The following MX2 variants were observed in gnomAD, a reference collection of about 807,000 sequenced individuals.
The protein encoded by MX2 is MX dynamin like GTPase 2.
Under a neutral mutation model 74.0 loss-of-function variants are expected in MX2, and 51 were observed. That is an observed-to-expected ratio of 0.69 (90% CI 0.55 to 0.87). MX2 has a LOEUF of 0.87. Ranked by LOEUF, MX2 falls within the 40% of genes least tolerant of loss-of-function variation. The pLI is 0.00. For synonymous variants in MX2, 369 were observed against 339.3 expected (o/e 1.09, Z -0.96); for missense variants, 832 against 908.7 (o/e 0.92, Z 1.09).
intron 1 of MX2, chr21:41,365,912 C>T (rs953363994): frequency 6.6e-6 from 1 of 152,534 alleles, no homozygotes. Context: ...CCTGCCTCCT[C>T]ACTCAGCCTG....
chr21:41,379,718 G>A (rs756960834), intron 3 of MX2, among the ~76,000 whole-genome samples: 3 of 152,256 alleles, frequency 2.0e-5, no homozygotes, highest in Non-Finnish European at 4.4e-5. Flanking sequence ...TTCCAGGGCA[G>A]TGTGGTGGGG....
At chr21:41,381,529 CA>C (rs2089492187) in intron 4 of MX2, among the ~76,000 whole-genome samples, 1 of 151,794 alleles carries the variant, frequency 6.6e-6, no homozygotes, top group African/African-American at 2.4e-5. Flanking sequence ...TCTAAAAATA[CA>C]AAAAATTAGC....
chr21:41,377,962 C>T lies in MX2; in HGVS notation c.423C>T (p.Val141=), dbSNP rs372273099. 3.2e-5 allele frequency: 52 copies of T among 1,613,566 alleles called. No homozygotes were observed. In the East Asian group the frequency reaches 8.0e-4, roughly 25 times the overall value. Residue 141 remains valine, a synonymous_variant, in exon 3 of 14, where the codon GTC becomes GTT. Coordinates refer to ENST00000330714, the MANE Select transcript of MX2 (RefSeq NM_002463.2). Reference sequence around the variant, plus strand: ...CTGTGCTGGAGGCACTGTCAGGAGTCGCGCTTCCCAGAGGCAGCGGTAAGT... The same window carrying T: ...CTGTGCTGGAGGCACTGTCAGGAGTTGCGCTTCCCAGAGGCAGCGGTAAGT... ...KSSVLEALSG[V]ALPRGSGIVT... is the part of the protein sequence containing the mutation.
Position 41,397,613 on chromosome 21 carries a change from A to T in MX2, c.1071A>T (p.Arg357Ser), listed in dbSNP as rs953625578. The change falls in exon 8 of 14, where the codon AGA becomes AGT. Residue 357 changes from arginine (R) to serine (S), a missense_variant and splice_region_variant. Transcript: ENST00000330714. ...TGCATGAATGTCTGTCTCATTTCAGAGTTCTCCTGGAGGAGGGGTCAGCCA... is the reference window on the plus strand; with the variant it reads ...TGCATGAATGTCTGTCTCATTTCAGTGTTCTCCTGGAGGAGGGGTCAGCCA... The part of the protein sequence containing the change: ...ITFFQTHPYF[R>S]VLLEEGSATV... The T allele has an allele frequency of 2.4e-5, 38 of 1,613,530 alleles. No homozygotes were observed. Among genetic ancestry groups the T allele is most frequent in the Non-Finnish European group, 3.1e-5 (37 of 1,179,556 alleles).
chr21:41,393,612 G>T (rs536194805), intron 6 of MX2, among the ~76,000 whole-genome samples: 10 of 152,052 alleles, frequency 6.6e-5, no homozygotes, highest in Admixed American at 1.3e-4. Flanking sequence ...CAATTCTCAG[G>T]CCTCTAAGTA....
Position 41,391,389 on chromosome 21 carries a change from C to CTT in MX2, c.871+700_871+701dup, listed in dbSNP as rs11405891. ...ATCAACAGTTATCAATAAATATTAG[C>CTT]TTTTTTTTTTTTTTTGAGACAGAGT... On this transcript the variant is annotated intron_variant, in intron 6 of 13. Coordinates refer to ENST00000330714, the MANE Select transcript of MX2 (RefSeq NM_002463.2). Among the ~76,000 whole-genome samples the CTT allele has an allele frequency of 2.3e-3, 330 of 142,512 alleles. 3 individuals are homozygous for CTT. The highest frequency in any genetic ancestry group is 7.9e-3 in the African/African-American group (306 of 38,598). The allele number at this position is 142,512 out of a possible 152,430, so 93.5% of individuals were successfully genotyped here. A position where few individuals can be genotyped will look rare whatever the true frequency, so the allele number is the denominator to read the frequency against.
intron 1 of MX2, among the ~76,000 whole-genome samples, chr21:41,374,720 T>C (rs558513183): frequency 3.9e-5 from 6 of 152,094 alleles, no homozygotes; most frequent in Non-Finnish European, 8.8e-5. Flanking sequence ...GGAGAAACTC[T>C]GGACGCATGA....
chr21:41,373,213 T>C (rs529703539), intron 1 of MX2, among the ~76,000 whole-genome samples: 1 of 152,034 alleles, frequency 6.6e-6, no homozygotes, highest in African/African-American at 2.4e-5. Flanking sequence ...GTTTACAGAG[T>C]GGATGAAGAC....
Position 41,395,757 on chromosome 21 carries a change from A to G in MX2, c.1042A>G (p.Thr348Ala). The change falls in exon 7 of 14, where the codon ACA (threonine) becomes GCA (alanine). Residue 348 changes from threonine (T) to alanine (A), a missense_variant. Transcript: ENST00000330714. ...GGCAGAGGCAACCAAGAAAGAAATT[A>G]CATTCTTTCAAACACATCCATATTT... ...SLAEATKKEI[T>A]FFQTHPYFRV... The G allele has an allele frequency of 1.9e-6, 3 of 1,614,184 alleles. No individual in the cohort carries two copies. Among genetic ancestry groups the G allele is most frequent in the South Asian group, 1.1e-5 (1 of 91,082 alleles).
chr21:41,404,853 T>C (rs1400133236), intron 12 of MX2: 1 of 141,240 alleles, frequency 7.1e-6, no homozygotes, highest in African/African-American at 2.7e-5. Flanking sequence ...TATTTTTCTT[T>C]CACAGTTGTC....
chr21:41,407,204 C>T (rs2145981073), intron 13 of MX2, among the ~76,000 whole-genome samples: 1 of 152,258 alleles, frequency 6.6e-6, no homozygotes, highest in Non-Finnish European at 1.5e-5. Flanking sequence ...AATTAATTTG[C>T]CCACAATCAA....
intron 12 of MX2, chr21:41,404,898 G>GAAA (rs964431541): frequency 1.5e-5 from 2 of 130,718 alleles, no homozygotes; most frequent in African/African-American, 5.7e-5. Flanking sequence ...AAAAGAAAAA[G>GAAA]AAAAAAAAAA....
At chr21:41,407,935 A>G (rs909703646) in intron 13 of MX2, 56 bp from the exon 14 acceptor site, 3 of 1,601,536 alleles carry the variant, frequency 1.9e-6, no homozygotes, top group Non-Finnish European at 1.7e-6. Flanking sequence ...TCTCTCTGCA[A>G]CCACAGGCCT....
intron 1 of MX2, chr21:41,364,337 A>G (rs146973278): frequency 6.6e-6 from 1 of 152,206 alleles, no homozygotes; most frequent in East Asian, 1.9e-4. Flanking sequence ...GCACTTTTGG[A>G]GTTTTTTTCC....
rs1384338918 is a variant in MX2 at position 41,366,195 on chromosome 21, C to A, written c.-72+4140C>A. On this transcript the variant is annotated intron_variant, in intron 1 of 13. Transcript: ENST00000330714. The surrounding 1 kb of genome is among the most constrained non-coding windows in gnomAD (Gnocchi z 4.5). Reference sequence around the variant, plus strand: ...CTGCCTTCGTGTATCACTGGGAAATCTTAAAGATCCCACAGTGGCCTGTGA... The same window carrying A: ...CTGCCTTCGTGTATCACTGGGAAATATTAAAGATCCCACAGTGGCCTGTGA... 6.6e-6 allele frequency: 1 copy of A among 152,270 alleles called. No homozygotes were observed. The highest frequency in any genetic ancestry group is 2.4e-5 in the African/African-American group (1 of 41,464). 9.4% of individuals were successfully genotyped at this position (152,270 alleles called of 1,614,324 possible). A position where few individuals can be genotyped will look rare whatever the true frequency, so the allele number is the denominator to read the frequency against.
intron 6 of MX2, among the ~76,000 whole-genome samples, chr21:41,394,386 C>T (rs2089704522): frequency 6.6e-6 from 1 of 152,138 alleles, no homozygotes; most frequent in Admixed American, 6.5e-5. Flanking sequence ...AGGCTGACTC[C>T]TCCCTTCCTT....
chr21:41,405,886 G>C (rs1375221621), intron 12 of MX2, among the ~76,000 whole-genome samples: 16 of 57,816 alleles, frequency 2.8e-4, no homozygotes, highest in Admixed American at 2.5e-3. Flanking sequence ...TGTATTTTTA[G>C]TGAGATGGGG....
In MX2 at chr21:41,368,032, C is replaced by A. The variant is rs746941141; in HGVS notation, c.-72+5977C>A. Among the ~76,000 whole-genome samples, 7 of 152,306 alleles carry A rather than the reference C, an allele frequency of 4.6e-5. No individual in the cohort carries two copies. Among genetic ancestry groups the A allele is most frequent in the Non-Finnish European group, 7.4e-5 (5 of 68,020 alleles). On this transcript the variant is annotated intron_variant, in intron 1 of 13. Transcript: ENST00000330714. This position sits in a 1 kb window ranked among gnomAD's most constrained non-coding sequence, Gnocchi z 4.6. ...TCCCCTCTCTCAAGACCTGCACTTT[C>A]TCTTCAAGTCAAGGTCCACAGCTCC...
At chr21:41,394,480 G>T (rs113290831) in intron 6 of MX2, among the ~76,000 whole-genome samples, 6 of 152,078 alleles carry the variant, frequency 3.9e-5, no homozygotes, top group African/African-American at 1.4e-4. Context: ...CGCTGCCCAC[G>T]GTCATTTGCC....
Sources: allele counts gnomAD v4.1 joint callset (sites outside exome capture counted in the v4.1 genomes callset), GRCh38; gene constraint gnomAD v4.1.1; non-coding constraint Gnocchi (gnomAD v3.1); transcripts MANE v1.5; gene names NCBI Gene and HGNC (gene_info 2026-07-23, HGNC 2026-07-21).